The following HK3 variants were observed in gnomAD, a reference collection of about 807,000 sequenced individuals.
The protein encoded by HK3 is hexokinase-3.
In HK3, 93 loss-of-function variants were observed where a neutral mutation model predicts 91.0. The ratio of observed to expected loss-of-function variants is 1.02; its 90% CI spans 0.86 to 1.21. The LOEUF is 1.21. HK3 is among the 50% of genes most tolerant of loss of function. The probability of loss-of-function intolerance (pLI) is 0.00; values close to 1 mark genes in which losing one functional copy is unlikely to be tolerated. For synonymous variants in HK3, 519 were observed against 516.9 expected, an observed-to-expected ratio of 1.00 and a Z score of -0.06; for missense variants, 1,235 against 1,247.4, an observed-to-expected ratio of 0.99 and a Z score of 0.15.
In HK3 at chr5:176,887,522, T is replaced by A. The variant is rs1293797733; in HGVS notation, c.1529A>T (p.Lys510Met). The change falls in exon 11 of 19, where the codon AAG becomes ATG. Residue 510 changes from lysine to methionine, a missense_variant. Coordinates refer to ENST00000292432, the MANE Select transcript of HK3 (RefSeq NM_002115.3). This position sits in a 1 kb window ranked among gnomAD's most constrained non-coding sequence, Gnocchi z 4.9. The part of the protein sequence containing the change: ...VQAQMRKAMA[K>M]GLRGEASSLR... ...GGAGGAGGCCTCCCCTCGGAGCCCCTTGGCCATGGCCTTCCGCATCTGTGC... is the reference window on the plus strand; with the variant it reads ...GGAGGAGGCCTCCCCTCGGAGCCCCATGGCCATGGCCTTCCGCATCTGTGC... 2 of 1,613,656 alleles carry A rather than the reference T, an allele frequency of 1.2e-6. No individual in the cohort carries two copies. Among genetic ancestry groups the A allele is most frequent in the Non-Finnish European group, 1.7e-6 (2 of 1,179,992 alleles).
intron 6 of HK3, 49 bp from the exon 7 acceptor site, chr5:176,889,793 G>A: frequency 6.5e-7 from 1 of 1,540,362 alleles, no homozygotes; most frequent in Non-Finnish European, 9.0e-7. Flanking sequence ...GTGGCCAGAG[G>A]AGGGAATCCA....
chr5:176,898,040 C>A (rs1353216883), intron 1 of HK3, among the ~76,000 whole-genome samples: 1 of 152,162 alleles, frequency 6.6e-6, no homozygotes, highest in Non-Finnish European at 1.5e-5. Context: ...CTGCGCGCAT[C>A]CCTCACCCTC....
chr5:176,882,051 G>T lies in HK3; in HGVS notation c.2130C>A (p.Cys710Ter). 2 of 1,613,104 alleles carry T rather than the reference G, an allele frequency of 1.2e-6. No homozygotes were observed. The highest frequency in any genetic ancestry group is 1.7e-6 in the Non-Finnish European group (2 of 1,180,032). ...CAAAGGCGCCCCACTCCATGTTGATGCACATGCGGCCTGAGTCCCCAGGCA... is the reference window on the plus strand; with the variant it reads ...CAAAGGCGCCCCACTCCATGTTGATTCACATGCGGCCTGAGTCCCCAGGCA... Reference protein sequence around the residue: ...AGVPGDSGRMCINMEWGAFGD... With the variant: ...AGVPGDSGRM Residue 710 changes from cysteine (C) to a stop codon, truncating the protein, a stop_gained, in exon 16 of 19, where the codon TGC becomes TGA. Coordinates refer to ENST00000292432, the MANE Select transcript of HK3 (RefSeq NM_002115.3). LOFTEE classifies it high-confidence loss of function.
intron 1 of HK3, among the ~76,000 whole-genome samples, chr5:176,897,771 C>CCTCTA (rs1758942303): frequency 1.4e-5 from 2 of 146,464 alleles, no homozygotes; most frequent in African/African-American, 5.1e-5. Flanking sequence ...TCATGCCCTC[C>CCTCTA]CTCTACACTC....
Position 176,891,034 on chromosome 5 carries a change from T to C in HK3, c.414+3A>G, listed in dbSNP as rs777488083. 4 of 1,613,906 alleles carry C rather than the reference T, an allele frequency of 2.5e-6. No homozygotes were observed. Among genetic ancestry groups the C allele is most frequent in the South Asian group, 2.2e-5 (2 of 91,084 alleles). On this transcript the variant is annotated splice_donor_region_variant and intron_variant, in intron 4 of 18. Transcript: ENST00000292432. Reference sequence around the variant, plus strand: ...CCCCAGAGGCTGGGCAGTGAGTGCTTACCTGCTGGCCAGCACCCAGCATCA... The same window carrying C: ...CCCCAGAGGCTGGGCAGTGAGTGCTCACCTGCTGGCCAGCACCCAGCATCA...
Position 176,890,650 on chromosome 5 carries a change from G to A in HK3, c.615C>T (p.Ala205=), listed in dbSNP as rs756221939. 1 of 1,614,062 alleles carries A rather than the reference G, an allele frequency of 6.2e-7. No individual in the cohort carries two copies. Among genetic ancestry groups the A allele is most frequent in the Non-Finnish European group, 8.5e-7 (1 of 1,179,954 alleles). Residue 205 remains alanine (A), a synonymous_variant, in exon 6 of 19, where the codon GCC becomes GCT. Coordinates refer to ENST00000292432, the MANE Select transcript of HK3 (RefSeq NM_002115.3). The part of the protein sequence containing the change: ...GQDVVQLLRD[A]IRRQGAYNID... ...CTCCACTCACCCCCTGCCTCCGAAT[G>A]GCATCTCTCAGCAGCTGGACCACAT...
intron 2 of HK3, among the ~76,000 whole-genome samples, chr5:176,891,996 A>C (rs1042161515): frequency 6.6e-6 from 1 of 152,364 alleles, no homozygotes; most frequent in East Asian, 1.9e-4. Flanking sequence ...CAGACTCTGA[A>C]GCCTGAAAAA....
intron 8 of HK3, 103 bp from the exon 9 acceptor site, chr5:176,888,967 C>A (rs1758683863): frequency 2.9e-6 from 4 of 1,370,306 alleles, no homozygotes; most frequent in Admixed American, 4.9e-5. Flanking sequence ...CTTTGGGGCT[C>A]CCAAACTGGA....
Position 176,882,057 on chromosome 5 carries a change from G to A in HK3, c.2124C>T (p.Arg708=). Residue 708 remains arginine (R), a synonymous_variant, in exon 16 of 19, where the codon CGC becomes CGT. Transcript: ENST00000292432. ...CGCCCCACTCCATGTTGATGCACAT[G>A]CGGCCTGAGTCCCCAGGCACGCCCG... ...NVAGVPGDSG[R]MCINMEWGAF... is the part of the protein sequence containing the mutation. 1 of 1,613,058 alleles carries A rather than the reference G, an allele frequency of 6.2e-7. No homozygotes were observed. The highest frequency in any genetic ancestry group is 1.1e-5 in the South Asian group (1 of 91,080).
In HK3 at chr5:176,888,838, T is replaced by A; in HGVS notation, c.941A>T (p.Tyr314Phe). 6.2e-7 allele frequency: 1 copy of A among 1,614,062 alleles called. No individual in the cohort carries two copies. Among genetic ancestry groups the A allele is most frequent in the East Asian group, 2.2e-5 (1 of 44,878 alleles). Reference sequence around the variant, plus strand: ...CACCAGCCGCACCAGCTCACCCAGGTACAGGCCTCCGATCATCTTCTCAAA... The same window carrying A: ...CACCAGCCGCACCAGCTCACCCAGGAACAGGCCTCCGATCATCTTCTCAAA... ...QRFEKMIGGLYLGELVRLVLA... is the reference protein window; with the variant it reads ...QRFEKMIGGLFLGELVRLVLA... Residue 314 changes from tyrosine (Y) to phenylalanine (F), a missense_variant, in exon 9 of 19, where the codon TAC (tyrosine) becomes TTC (phenylalanine). Tyr to Phe is a conservative substitution (Grantham distance 22). Around this residue, in one of 3 missense-constraint regions of HK3, gnomAD observed 717 missense variants for 751.6 expected, o/e 0.95. Transcript: ENST00000292432.
Position 176,884,240 on chromosome 5 carries a change from C to G in HK3, c.1858-106G>C. 1.1e-6 allele frequency: 1 copy of G among 923,772 alleles called. No individual in the cohort carries two copies. The highest frequency in any genetic ancestry group is 1.4e-5 in the South Asian group (1 of 72,910). 57.2% of individuals were successfully genotyped at this position (923,772 alleles called of 1,614,324 possible). On this transcript the variant is annotated intron_variant, in intron 13 of 18. Coordinates refer to ENST00000292432, the MANE Select transcript of HK3 (RefSeq NM_002115.3). The surrounding 1 kb of genome is among the most constrained non-coding windows in gnomAD (Gnocchi z 4.1). ...CACAAGCCTAGGCTTTCCACCCTCCCCAAGCACAATTCCTTGCCTACTTTG... is the reference window on the plus strand; with the variant it reads ...CACAAGCCTAGGCTTTCCACCCTCCGCAAGCACAATTCCTTGCCTACTTTG...
chr5:176,895,978 G>C, intron 2 of HK3, 86 bp downstream of exon 2: 1 of 1,073,772 alleles, frequency 9.3e-7, no homozygotes, highest in Non-Finnish European at 1.4e-6. Flanking sequence ...GCATGGGTGA[G>C]AGCCCAGGGC....
chr5:176,881,671 G>C (rs1758433497), intron 17 of HK3, 21 bp downstream of exon 17: 1 of 1,613,436 alleles, frequency 6.2e-7, no homozygotes, highest in East Asian at 2.2e-5. Flanking sequence ...AAGTGGGGGA[G>C]GCAATGTAGG....
chr5:176,897,870 A>G (rs1016952707), intron 1 of HK3, among the ~76,000 whole-genome samples: 3 of 152,194 alleles, frequency 2.0e-5, no homozygotes, highest in African/African-American at 7.2e-5. Context: ...CCTAAATCCC[A>G]GTGGTCTGTT....
intron 1 of HK3, among the ~76,000 whole-genome samples, chr5:176,899,042 G>T (rs1561689161): frequency 6.6e-6 from 1 of 152,188 alleles, no homozygotes; most frequent in Non-Finnish European, 1.5e-5. Flanking sequence ...GGCTGAGGTG[G>T]GAGGATCACT....
At chr5:176,888,274 G>T in intron 10 of HK3, 58 bp downstream of exon 10, 1 of 1,408,780 alleles carries the variant, frequency 7.1e-7, no homozygotes, top group Non-Finnish European at 9.8e-7. Flanking sequence ...CCCTCTGGGT[G>T]TGTATCACAC....
chr5:176,883,769 C>T lies in HK3; in HGVS notation c.2053+1G>A, dbSNP rs1334047505. On this transcript the variant is annotated splice_donor_variant, in intron 15 of 18. Coordinates refer to ENST00000292432, the MANE Select transcript of HK3 (RefSeq NM_002115.3). LOFTEE classifies it high-confidence loss of function. ...GCATGAAAGGGCAGGGCCCTCCTCA[C>T]CGACAATGAGGCCTATCTCGCAACG... 1 of 1,610,938 alleles carries T rather than the reference C, an allele frequency of 6.2e-7. No individual in the cohort carries two copies.
rs750471881 is a variant in HK3, at chr5:176,890,993, C to T, written c.414+44G>A. 2.5e-6 allele frequency: 4 copies of T among 1,613,894 alleles called. No individual in the cohort carries two copies. The Admixed American group carries it at 6.7e-5, about 27-fold the overall frequency. On this transcript the variant is annotated intron_variant, in intron 4 of 18. Transcript: ENST00000292432. The stretch of plus-strand genomic sequence containing the variant: ...CTTGCCCATCTGAGCCCTAGCCACC[C>T]AGCCAGGCCCCCAGACCCCAGAGGC...
At position 176,895,871 on chromosome 5, in the gene HK3, A is replaced by C. The variant is rs145482337; in HGVS notation, c.96+193T>G. Among the ~76,000 whole-genome samples, 554 of 152,286 alleles carry C rather than the reference A, an allele frequency of 3.6e-3. 1 individual carries two copies. The highest frequency in any genetic ancestry group is 4.3e-3 in the Non-Finnish European group (295 of 68,012). ...ATAACACTTCTCTATATCCCTCTTC[A>C]TCACCTGTAAGATGATCAGCCCAAC... On this transcript the variant is annotated intron_variant, in intron 2 of 18. Coordinates refer to ENST00000292432, the MANE Select transcript of HK3 (RefSeq NM_002115.3).
Sources: gnomAD v4.1 joint callset for allele counts (sites outside exome capture counted in the v4.1 genomes callset) on GRCh38, gnomAD v4.1.1 for gene constraint, gnomAD v4.1.1 regional missense constraint, Gnocchi (gnomAD v3.1) non-coding constraint, MANE v1.5 for transcripts, NCBI Gene and HGNC (gene_info 2026-07-23, HGNC 2026-07-21) for gene names.